MDGA2: variants seen among roughly 807,000 people sequenced by gnomAD.
MDGA2 encodes the protein MAM domain containing glycosylphosphatidylinositol anchor 2.
Under a neutral mutation model 117.8 loss-of-function variants are expected in MDGA2, and 40 were observed. The observed-to-expected ratio is 0.34, with a 90% CI of 0.26 to 0.44. The LOEUF is 0.44. MDGA2 is among the 20% of genes least tolerant of loss of function. The probability of loss-of-function intolerance (pLI) is 1.00; values close to 1 mark genes in which losing one functional copy is unlikely to be tolerated. For missense variants in MDGA2, 1,123 were observed against 1,250.6 expected, an observed-to-expected ratio of 0.90 and a Z score of 1.54; for synonymous variants, 452 against 439.0, an observed-to-expected ratio of 1.03 and a Z score of -0.37.
At chr14:47,615,573 A>G (rs1461878317) in intron 1 of MDGA2, among the ~76,000 whole-genome samples, 1 of 152,190 alleles carries the variant, frequency 6.6e-6, no homozygotes, top group African/African-American at 2.4e-5. Flanking sequence ...GCCAGTTCTC[A>G]GTGGAGATAT....
intron 1 of MDGA2, among the ~76,000 whole-genome samples, chr14:47,631,958 TTGTTAG>T (rs1402400193): frequency 6.6e-6 from 1 of 151,710 alleles, no homozygotes; most frequent in Non-Finnish European, 1.5e-5. Flanking sequence ...TCATCCGCTA[TTGTTAG>T]TGTTAGTGTA....
At chr14:47,200,543 T>C in intron 3 of MDGA2, 1 of 578,592 alleles carries the variant, frequency 1.7e-6, no homozygotes. Flanking sequence ...TCTTTTTTTT[T>C]TTTTTTGAGG....
intron 1 of MDGA2, among the ~76,000 whole-genome samples, chr14:47,534,764 C>T (rs758530810): frequency 1.2e-4 from 19 of 152,070 alleles, no homozygotes; most frequent in Admixed American, 3.3e-4. Flanking sequence ...TGGTATATTG[C>T]GGCACCAATA....
intron 10 of MDGA2, among the ~76,000 whole-genome samples, chr14:46,917,974 A>C (rs767476310): frequency 2.0e-5 from 3 of 152,210 alleles, no homozygotes; most frequent in Non-Finnish European, 2.9e-5. Context: ...TTTGATTTGC[A>C]TCCACAACAC....
intron 7 of MDGA2, among the ~76,000 whole-genome samples, chr14:47,038,704 G>A (rs1335596438): frequency 5.9e-5 from 9 of 151,888 alleles, no homozygotes; most frequent in African/African-American, 1.2e-4. Context: ...TTGGGCGGCC[G>A]AGGAGGGCAG....
chr14:47,070,187 A>G (rs914317725), intron 6 of MDGA2, among the ~76,000 whole-genome samples: 5 of 152,106 alleles, frequency 3.3e-5, no homozygotes, highest in African/African-American at 1.2e-4. Flanking sequence ...TATTTTTTAT[A>G]CCAACTAACC....
chr14:46,884,981 G>C lies in MDGA2; in HGVS notation c.2239-2760C>G, dbSNP rs562588257. Among the ~76,000 whole-genome samples, 2 of 151,942 alleles carry C rather than the reference G, an allele frequency of 1.3e-5. No homozygotes were observed. Among genetic ancestry groups the C allele is most frequent in the East Asian group, 3.9e-4 (2 of 5,144 alleles). On this transcript the variant is annotated intron_variant, in intron 10 of 16. Transcript: ENST00000399232. This position sits in a 1 kb window ranked among gnomAD's most constrained non-coding sequence, Gnocchi z 4.1. The stretch of plus-strand genomic sequence containing the variant: ...CCTGCCTCGGCCCCCTGAGTAAATG[G>C]AATTACAGGCATCCACAACCACGCC...
chr14:46,909,279 T>C (rs1883608833), intron 10 of MDGA2, among the ~76,000 whole-genome samples: 1 of 152,226 alleles, frequency 6.6e-6, no homozygotes, highest in African/African-American at 2.4e-5. Flanking sequence ...ACTATTAATA[T>C]ATTCAATCAA....
At chr14:46,923,310 TG>T (rs1342931661) in intron 9 of MDGA2, among the ~76,000 whole-genome samples, 2 of 152,154 alleles carry the variant, frequency 1.3e-5, no homozygotes, top group African/African-American at 4.8e-5. Flanking sequence ...TATTTTTTCA[TG>T]GAGCATTAGA....
chr14:47,424,786 G>C (rs1329916980), intron 1 of MDGA2, among the ~76,000 whole-genome samples: 1 of 152,124 alleles, frequency 6.6e-6, no homozygotes, highest in Non-Finnish European at 1.5e-5. Flanking sequence ...TGATTTCATA[G>C]ACTAAGATAG....
chr14:47,175,480 C>T (rs1215370095), intron 3 of MDGA2, among the ~76,000 whole-genome samples: 2 of 149,518 alleles, frequency 1.3e-5, no homozygotes, highest in African/African-American at 2.5e-5. Flanking sequence ...CCCTGGGATG[C>T]AAGGCTGGTT....
chr14:47,606,185 A>G (rs1398363582), intron 1 of MDGA2, among the ~76,000 whole-genome samples: 1 of 152,176 alleles, frequency 6.6e-6, no homozygotes, highest in African/African-American at 2.4e-5. Context: ...CATACTCACT[A>G]TTATGTCCTT....
chr14:47,531,244 C>A (rs1566501186), intron 1 of MDGA2, among the ~76,000 whole-genome samples: 1 of 152,048 alleles, frequency 6.6e-6, no homozygotes, highest in Non-Finnish European at 1.5e-5. Context: ...GACTCCACCT[C>A]AAAACAAACA....
chr14:47,059,583 C>T (rs531671892), intron 7 of MDGA2, among the ~76,000 whole-genome samples: 57 of 152,118 alleles, frequency 3.7e-4, no homozygotes, highest in African/African-American at 1.2e-3. Flanking sequence ...TGTTAGGGCT[C>T]GTTTTGTGAG....
intron 2 of MDGA2, among the ~76,000 whole-genome samples, chr14:47,226,226 T>A (rs1292840873): frequency 2.1e-5 from 3 of 143,656 alleles, no homozygotes; most frequent in Non-Finnish European, 4.7e-5. Context: ...CATAAATAAA[T>A]AAATAAATAA....
At chr14:47,213,257 C>A (rs757265777) in intron 3 of MDGA2, among the ~76,000 whole-genome samples, 2 of 152,176 alleles carry the variant, frequency 1.3e-5, no homozygotes. Context: ...AAAAGCTTTA[C>A]TCAGTTGCCT....
Position 47,041,727 on chromosome 14 carries a change from G to A in MDGA2, c.1526-6423C>T, listed in dbSNP as rs114581265. ...GTAAAATGAAGCAAATATAGAAAAA[G>A]AAAATATTTTCATTTCTTCATTGGG... On this transcript the variant is annotated intron_variant, in intron 7 of 16. Transcript: ENST00000399232. Among the ~76,000 whole-genome samples the A allele has an allele frequency of 3.4e-3, 522 of 152,036 alleles. 3 individuals carry two copies. Among genetic ancestry groups the A allele is most frequent in the African/African-American group, 0.012 (505 of 41,514 alleles).
In MDGA2 at chr14:47,295,957, GATA is replaced by G. The variant is rs1418803174; in HGVS notation, c.420+5451_420+5453del. On this transcript the variant is annotated intron_variant, in intron 2 of 16. Coordinates refer to ENST00000399232, the MANE Select transcript of MDGA2 (RefSeq NM_001113498.3). The stretch of plus-strand genomic sequence containing the variant: ...AGATAGATAGATAGATAGATAGATA[GATA>G]GATAGATAGATAGATAGATATAGTA... 2.4e-3 allele frequency among the ~76,000 whole-genome samples: 371 copies of G among 151,450 alleles called. 2 individuals are homozygous for G. Among genetic ancestry groups the G allele is most frequent in the African/African-American group, 8.6e-3 (358 of 41,414 alleles).
chr14:47,629,380 A>G (rs569446207), intron 1 of MDGA2, among the ~76,000 whole-genome samples: 1 of 152,338 alleles, frequency 6.6e-6, no homozygotes, highest in African/African-American at 2.4e-5. Context: ...TATGGTCTGC[A>G]TTTGCCTGAT....
Sources: gnomAD v4.1 joint callset for allele counts (sites outside exome capture counted in the v4.1 genomes callset) on GRCh38, gnomAD v4.1.1 for gene constraint, Gnocchi (gnomAD v3.1) non-coding constraint, MANE v1.5 for transcripts, NCBI Gene and HGNC (gene_info 2026-07-23, HGNC 2026-07-21) for gene names.